The following SLC15A1 variants were observed in gnomAD, a reference collection of about 807,000 sequenced individuals.
The protein encoded by SLC15A1 is solute carrier family 15 member 1.
SLC15A1 carries 83 observed loss-of-function variants against 92.9 expected under a neutral mutation model. The ratio of observed to expected loss-of-function variants is 0.89; its 90% CI spans 0.75 to 1.07. The LOEUF (loss-of-function observed/expected upper bound fraction) is 1.07. Among genes scored for constraint, SLC15A1 ranks in the 50% least tolerant of loss-of-function variants. The pLI is 0.00. For missense variants in SLC15A1, 857 were observed against 880.1 expected (o/e 0.97, Z 0.33); for synonymous variants, 322 against 318.2 (o/e 1.01, Z -0.13).
intron 15 of SLC15A1, among the ~76,000 whole-genome samples, chr13:98,707,139 A>G (rs2088118899): frequency 6.6e-6 from 1 of 152,170 alleles, no homozygotes; most frequent in Non-Finnish European, 1.5e-5. Flanking sequence ...AGCCATGTCC[A>G]CCTTAGCCCA....
Position 98,706,264 on chromosome 13 carries a change from T to C in SLC15A1, c.1150-11A>G, listed in dbSNP as rs1348368039. 5.6e-6 allele frequency: 9 copies of C among 1,610,286 alleles called. No homozygotes were observed. Among genetic ancestry groups the C allele is most frequent in the Non-Finnish European group, 7.6e-6 (9 of 1,178,718 alleles). ...GACTGGAAGAGTTTTCTGAGCAAAATAAAAGAAAATTGGCAGTGAGGTCTT... is the reference window on the plus strand; with the variant it reads ...GACTGGAAGAGTTTTCTGAGCAAAACAAAAGAAAATTGGCAGTGAGGTCTT... On this transcript the variant is annotated splice_polypyrimidine_tract_variant and intron_variant, in intron 15 of 22. Transcript: ENST00000376503.
At chr13:98,693,098 T>TG in intron 18 of SLC15A1, among the ~76,000 whole-genome samples, 2 of 136,572 alleles carry the variant, frequency 1.5e-5, no homozygotes. Flanking sequence ...TTTTTTTTTT[T>TG]TTTTTTTTTT....
intron 18 of SLC15A1, among the ~76,000 whole-genome samples, chr13:98,692,022 G>A (rs1388172116): frequency 6.6e-6 from 1 of 150,808 alleles, no homozygotes; most frequent in African/African-American, 2.4e-5. Flanking sequence ...GCGGTGAGCC[G>A]AGATCGCACC....
intron 17 of SLC15A1, 27 bp from the exon 18 acceptor site, chr13:98,702,556 A>T: frequency 6.4e-7 from 1 of 1,550,572 alleles, no homozygotes; most frequent in Non-Finnish European, 8.9e-7. Flanking sequence ...TAATGTAAAA[A>T]TATTTTCAAA....
chr13:98,686,166 G>T (rs764261098), intron 22 of SLC15A1, 24 bp downstream of exon 22: 1 of 1,533,172 alleles, frequency 6.5e-7, no homozygotes, highest in Admixed American at 1.7e-5. Flanking sequence ...AGAGGTATGT[G>T]CAATCTCCTC....
At chr13:98,698,462 AG>A (rs1226168779) in intron 18 of SLC15A1, among the ~76,000 whole-genome samples, 4 of 152,188 alleles carry the variant, frequency 2.6e-5, no homozygotes, top group African/African-American at 9.6e-5. Context: ...TTTTGGAGAC[AG>A]GGTCTCACTC....
intron 1 of SLC15A1, among the ~76,000 whole-genome samples, chr13:98,733,780 G>A (rs907616682): frequency 2.0e-5 from 3 of 152,136 alleles, no homozygotes; most frequent in Admixed American, 1.3e-4. Context: ...TACCCTCTGG[G>A]CTTCCATTTC....
chr13:98,711,922 T>C lies in SLC15A1; in HGVS notation c.832A>G (p.Lys278Glu). The change falls in exon 11 of 23, where the codon AAG (lysine) becomes GAG (glutamate). Residue 278 changes from lysine to glutamate, a missense_variant. Lys to Glu is a moderately conservative substitution (Grantham distance 56, BLOSUM62 1). Coordinates refer to ENST00000376503, the MANE Select transcript of SLC15A1 (RefSeq NM_005073.4). ...AGGAACATCACCCTCGTAACCATCT[T>C]AATTTGGGAGATGAGCCGCTCCTGT... is the stretch of plus-strand genomic sequence containing the variant. ...KYDERLISQI[K>E]MVTRVMFLYI... The C allele has an allele frequency of 2.5e-6, 4 of 1,612,750 alleles. No individual in the cohort carries two copies. Among genetic ancestry groups the C allele is most frequent in the Non-Finnish European group, 3.4e-6 (4 of 1,179,864 alleles).
intron 10 of SLC15A1, among the ~76,000 whole-genome samples, chr13:98,712,221 C>T (rs1244250550): frequency 2.0e-5 from 3 of 152,118 alleles, no homozygotes; most frequent in African/African-American, 4.8e-5. Flanking sequence ...CTTGACTCTC[C>T]TATATTCAAA....
intron 18 of SLC15A1, among the ~76,000 whole-genome samples, chr13:98,693,298 A>G (rs2087997100): frequency 6.6e-6 from 1 of 151,902 alleles, no homozygotes; most frequent in Non-Finnish European, 1.5e-5. Context: ...GGGTTTCACC[A>G]TGTTGGCTAG....
chr13:98,688,985 G>C (rs551423976), intron 18 of SLC15A1, among the ~76,000 whole-genome samples: 3 of 152,294 alleles, frequency 2.0e-5, no homozygotes, highest in Non-Finnish European at 4.4e-5. Context: ...TGTCACCCAG[G>C]CTGGAGTGCA....
At chr13:98,748,817 C>A (rs1261990131) in intron 1 of SLC15A1, among the ~76,000 whole-genome samples, 1 of 152,088 alleles carries the variant, frequency 6.6e-6, no homozygotes, top group East Asian at 1.9e-4. Context: ...GTTCTCAAAG[C>A]GTGGGCCTGG....
rs2088124898 is a variant in SLC15A1 at position 98,707,810 on chromosome 13, G to A, written c.1149+876C>T. Among the ~76,000 whole-genome samples, 4 of 148,550 alleles carry A rather than the reference G, an allele frequency of 2.7e-5. No individual in the cohort carries two copies. In the South Asian group the frequency reaches 6.4e-4, roughly 24 times the overall value. On this transcript the variant is annotated intron_variant, in intron 15 of 22. Transcript: ENST00000376503. ...CTCAGGAGGCTGAGGTGGGAGGATCGCTTGAGCCCAGGTGTGGCTGCAGTG... is the reference window on the plus strand; with the variant it reads ...CTCAGGAGGCTGAGGTGGGAGGATCACTTGAGCCCAGGTGTGGCTGCAGTG...
chr13:98,709,886 G>T lies in SLC15A1; in HGVS notation c.926C>A (p.Thr309Lys), dbSNP rs1212882651. The change falls in exon 12 of 23, where the codon ACA becomes AAA. Residue 309 changes from threonine to lysine, a missense_variant. Transcript: ENST00000376503. ...ACTTACGATTTTCCCGGACATAGTT[G>T]TTGCCTGCAGTGTCCACCTGGAGCC... ...QQGSRWTLQATTMSGKIGALE... is the reference protein window; with the variant it reads ...QQGSRWTLQAKTMSGKIGALE... The T allele has an allele frequency of 1.9e-6, 3 of 1,614,188 alleles. No homozygotes were observed. Among genetic ancestry groups the T allele is most frequent in the Non-Finnish European group, 2.5e-6 (3 of 1,180,024 alleles).
At position 98,687,523 on chromosome 13, in the gene SLC15A1, A is replaced by G. The variant is rs1462898513; in HGVS notation, c.1827+58T>C. ...TCCCAGATTTAAATTAAGTCCCATCAGCATTTTCTGCAGGCAGGGGTATTG... is the reference window on the plus strand; with the variant it reads ...TCCCAGATTTAAATTAAGTCCCATCGGCATTTTCTGCAGGCAGGGGTATTG... On this transcript the variant is annotated intron_variant, in intron 21 of 22. Transcript: ENST00000376503. 1.9e-6 allele frequency: 3 copies of G among 1,571,478 alleles called. No individual in the cohort carries two copies. In the African/African-American group the frequency reaches 4.1e-5, roughly 22 times the overall value.
rs2139559655 is a variant in SLC15A1 at position 98,687,699 on chromosome 13, A to G, written c.1709T>C (p.Val570Ala). ...TGTGTTGGCTGAAATATCTTCAAAC[A>G]CCTTCACTTCAGGGCAGCTGTCATT... The part of the protein sequence containing the change: ...RKNDSCPEVK[V>A]FEDISANTVN... The change falls in exon 21 of 23, where the codon GTG becomes GCG. Residue 570 changes from valine (V) to alanine (A), a missense_variant. Coordinates refer to ENST00000376503, the MANE Select transcript of SLC15A1 (RefSeq NM_005073.4). The G allele has an allele frequency of 6.2e-7, 1 of 1,614,108 alleles. No homozygotes were observed. Among genetic ancestry groups the G allele is most frequent in the Non-Finnish European group, 8.5e-7 (1 of 1,180,010 alleles).
At chr13:98,732,615 T>C (rs981699939) in intron 1 of SLC15A1, among the ~76,000 whole-genome samples, 2 of 152,124 alleles carry the variant, frequency 1.3e-5, no homozygotes, top group Non-Finnish European at 2.9e-5. Context: ...AACTTTGAAG[T>C]CTTATTACCT....
chr13:98,698,725 C>A (rs1234016942), intron 18 of SLC15A1, among the ~76,000 whole-genome samples: 3 of 152,208 alleles, frequency 2.0e-5, no homozygotes, highest in Admixed American at 6.5e-5. Context: ...GCATGAGCCA[C>A]CATGCCCAGC....
rs776703309 is a variant in SLC15A1, at chr13:98,709,890, C to G, written c.922G>C (p.Ala308Pro). Residue 308 changes from alanine to proline, a missense_variant, in exon 12 of 23, where the codon GCA becomes CCA. By Grantham distance (27) the Ala-to-Pro change is conservative. Transcript: ENST00000376503. ...ACGATTTTCCCGGACATAGTTGTTG[C>G]CTGCAGTGTCCACCTGGAGCCCTTA... is the stretch of plus-strand genomic sequence containing the variant. ...DQQGSRWTLQ[A>P]TTMSGKIGAL... 1 of 1,614,040 alleles carries G rather than the reference C, an allele frequency of 6.2e-7. No homozygotes were observed. Among genetic ancestry groups the G allele is most frequent in the African/African-American group, 1.3e-5 (1 of 74,910 alleles).
Sources: allele counts gnomAD v4.1 joint callset (sites outside exome capture counted in the v4.1 genomes callset), GRCh38; gene constraint gnomAD v4.1.1; transcripts MANE v1.5; gene names NCBI Gene and HGNC (gene_info 2026-07-23, HGNC 2026-07-21).